The following NCAM2 variants were observed in gnomAD, a reference collection of about 807,000 sequenced individuals.
NCAM2 encodes N-CAM-2.
Under a neutral mutation model 98.1 loss-of-function variants are expected in NCAM2, and 30 were observed. That is an observed-to-expected ratio of 0.31 (90% confidence interval 0.23 to 0.41). The LOEUF (loss-of-function observed/expected upper bound fraction) is 0.41. Among genes scored for constraint, NCAM2 ranks in the 10% least tolerant of loss-of-function variants. The probability of loss-of-function intolerance (pLI) is 1.00; values close to 1 mark genes in which losing one functional copy is unlikely to be tolerated. For missense variants in NCAM2, 867 were observed against 1,005.8 expected (o/e 0.86, Z 1.87); for synonymous variants, 368 against 342.4 (o/e 1.07, Z -0.83).
chr21:21,502,257 A>G (rs566418752), intron 15 of NCAM2, among the ~76,000 whole-genome samples: 45 of 152,082 alleles, frequency 3.0e-4, no homozygotes, highest in South Asian at 1.2e-3. Context: ...ACTCTAAAGA[A>G]CAGTTATTAA....
chr21:21,534,526 T>G lies in NCAM2; in HGVS notation c.2283-11T>G, dbSNP rs754627162. 3.8e-6 allele frequency: 6 copies of G among 1,573,156 alleles called. No individual in the cohort carries two copies. In the South Asian group the frequency reaches 7.0e-5, roughly 18 times the overall value. On this transcript the variant is annotated splice_polypyrimidine_tract_variant and intron_variant, in intron 16 of 17. Coordinates refer to ENST00000400546, the MANE Select transcript of NCAM2 (RefSeq NM_004540.5). ...ATTACACAGGTGAGATGTTTCTCTT[T>G]ATGTTTCTAGGAAAGATGGATCAAA... is the stretch of plus-strand genomic sequence containing the variant.
At chr21:21,229,255 T>C (rs1371343403) in intron 1 of NCAM2, among the ~76,000 whole-genome samples, 4 of 151,546 alleles carry the variant, frequency 2.6e-5, no homozygotes, top group Non-Finnish European at 5.9e-5. Flanking sequence ...TAATAACCTA[T>C]GTTTGATTTG....
chr21:21,269,611 T>C (rs1316527149), intron 1 of NCAM2, among the ~76,000 whole-genome samples: 2 of 152,192 alleles, frequency 1.3e-5, no homozygotes, highest in African/African-American at 4.8e-5. Flanking sequence ...ATGTGTAATA[T>C]AAAGTTCATG....
intron 8 of NCAM2, among the ~76,000 whole-genome samples, chr21:21,355,716 A>G (rs1023693846): frequency 1.1e-4 from 17 of 151,512 alleles, no homozygotes; most frequent in Non-Finnish European, 2.2e-4. Context: ...CCCGAGTTCA[A>G]ATGATTCTCC....
intron 15 of NCAM2, among the ~76,000 whole-genome samples, chr21:21,507,963 G>T (rs915759529): frequency 6.6e-6 from 1 of 151,884 alleles, no homozygotes; most frequent in Non-Finnish European, 1.5e-5. Flanking sequence ...TGTTATAGCT[G>T]CGGAGTCTAC....
intron 1 of NCAM2, chr21:21,147,217 A>C: frequency 5.1e-6 from 5 of 976,864 alleles, no homozygotes; most frequent in Non-Finnish European, 6.0e-6. Flanking sequence ...CTGCCTCCGC[A>C]GTTCTTAGTC....
chr21:21,009,936 T>C (rs937476733), intron 1 of NCAM2, among the ~76,000 whole-genome samples: 40 of 146,846 alleles, frequency 2.7e-4, no homozygotes, highest in Admixed American at 2.6e-3. Flanking sequence ...ATTTTTGTGG[T>C]GTTCTCTAGG....
chr21:21,166,131 T>G (rs1471937220), intron 1 of NCAM2, among the ~76,000 whole-genome samples: 3 of 152,236 alleles, frequency 2.0e-5, no homozygotes, highest in Non-Finnish European at 4.4e-5. Context: ...CATTGGCATT[T>G]AGGGCATACA....
At chr21:21,356,777 G>A (rs1457164309) in intron 8 of NCAM2, among the ~76,000 whole-genome samples, 1 of 152,092 alleles carries the variant, frequency 6.6e-6, no homozygotes, top group Non-Finnish European at 1.5e-5. Flanking sequence ...GATCATCTGA[G>A]GTCGGGAGTT....
chr21:21,295,818 C>T (rs58217577), intron 5 of NCAM2, among the ~76,000 whole-genome samples: 1,991 of 148,076 alleles, frequency 0.013, 46 homozygotes, highest in African/African-American at 0.048. Flanking sequence ...AAATGCAAAA[C>T]TAGTGCTTTT....
chr21:21,536,753 C>T (rs1990004983), intron 17 of NCAM2, among the ~76,000 whole-genome samples: 1 of 152,136 alleles, frequency 6.6e-6, no homozygotes, highest in African/African-American at 2.4e-5. Flanking sequence ...GGGAGAAAAA[C>T]CCATCTCCAA....
intron 1 of NCAM2, among the ~76,000 whole-genome samples, chr21:21,065,785 A>T (rs1214269846): frequency 6.6e-6 from 1 of 152,136 alleles, no homozygotes; most frequent in African/African-American, 2.4e-5. Context: ...ATTTATCCTT[A>T]GCCATTTACA....
At chr21:21,112,161 C>A (rs1488342016) in intron 1 of NCAM2, among the ~76,000 whole-genome samples, 1 of 152,048 alleles carries the variant, frequency 6.6e-6, no homozygotes, top group Non-Finnish European at 1.5e-5. Context: ...CTTTTGCTTT[C>A]TTTTCCTTTT....
At chr21:21,483,786 A>G (rs1157363806) in intron 15 of NCAM2, among the ~76,000 whole-genome samples, 2 of 152,122 alleles carry the variant, frequency 1.3e-5, no homozygotes, top group Non-Finnish European at 2.9e-5. Flanking sequence ...ATATTTTCAT[A>G]ATCTTTGGTT....
chr21:21,321,517 GT>G (rs1324046297), intron 5 of NCAM2, among the ~76,000 whole-genome samples: 3 of 152,066 alleles, frequency 2.0e-5, no homozygotes, highest in East Asian at 3.9e-4. Flanking sequence ...TATGTCCTAA[GT>G]TTTTTTTATA....
At chr21:21,418,665 T>C in intron 11 of NCAM2, 96 bp downstream of exon 11, 1 of 877,298 alleles carries the variant, frequency 1.1e-6, no homozygotes, top group Non-Finnish European at 1.9e-6. Context: ...ACATGTGGGA[T>C]TTAAAACAAT....
At chr21:21,212,742 C>CT (rs34111265) in intron 1 of NCAM2, among the ~76,000 whole-genome samples, 66,996 of 124,384 alleles carry the variant, frequency 0.54, 18,654 homozygotes, top group South Asian at 0.69. Context: ...ATTATCTGTG[C>CT]TTTTTTTTTT....
chr21:21,404,592 A>G (rs1038433952), intron 9 of NCAM2, among the ~76,000 whole-genome samples: 4 of 152,036 alleles, frequency 2.6e-5, no homozygotes, highest in Non-Finnish European at 5.9e-5. Context: ...TATCAGCAAC[A>G]TGAAAACGAA....
chr21:21,316,380 A>G (rs78099117), intron 5 of NCAM2, among the ~76,000 whole-genome samples: 2 of 152,022 alleles, frequency 1.3e-5, no homozygotes. Flanking sequence ...AACTTACTTT[A>G]AAAACATGCA....
Sources: allele counts gnomAD v4.1 joint callset (sites outside exome capture counted in the v4.1 genomes callset), GRCh38; gene constraint gnomAD v4.1.1; transcripts MANE v1.5; gene names NCBI Gene and HGNC (gene_info 2026-07-23, HGNC 2026-07-21).